Variants in ATAD2B observed in about 807,000 individuals in gnomAD.
ATAD2B encodes ATPase family AAA domain containing 2B.
Under a neutral mutation model 167.6 loss-of-function variants are expected in ATAD2B, and 40 were observed. That is an observed-to-expected ratio of 0.24 (90% CI 0.19 to 0.31). ATAD2B has a LOEUF of 0.31. Ranked by LOEUF, ATAD2B falls within the 10% of genes least tolerant of loss-of-function variation. The pLI is 1.00. For missense variants in ATAD2B, 1,242 were observed against 1,757.2 expected (o/e 0.71, Z 5.24); for synonymous variants, 579 against 596.5 (o/e 0.97, Z 0.43).
chr2:23,691,988 C>A, the ATAD2B span: 1 of 1,051,326 alleles, frequency 9.5e-7, no homozygotes, highest in South Asian at 1.5e-5. Context: ...CCTGAAGCTC[C>A]CTCACATGTG....
intron 1 of ATAD2B, among the ~76,000 whole-genome samples, chr2:23,910,000 C>G (rs921112047): frequency 6.6e-6 from 1 of 151,494 alleles, no homozygotes; most frequent in Non-Finnish European, 1.5e-5. Context: ...GTAGCTGAGA[C>G]TACAGGCACA....
Position 23,875,875 on chromosome 2 carries a change from T to G in ATAD2B, c.931A>C (p.Thr311Pro). 6.2e-7 allele frequency: 1 copy of G among 1,610,352 alleles called. No individual in the cohort carries two copies. The highest frequency in any genetic ancestry group is 8.5e-7 in the Non-Finnish European group (1 of 1,177,994). The change falls in exon 8 of 28, where the codon ACG becomes CCG. Residue 311 changes from threonine to proline, a missense_variant. Transcript: ENST00000238789. ...GGAGATCTATGAATATCAAACAGCGTGTTTTCCCTCTTTTTTTGATGAGCT... is the reference window on the plus strand; with the variant it reads ...GGAGATCTATGAATATCAAACAGCGGGTTTTCCCTCTTTTTTTGATGAGCT... ...VPAHQKKREN[T>P]LFDIHRSPAR...
intron 10 of ATAD2B, chr2:23,866,023 G>A: frequency 1.8e-6 from 1 of 559,728 alleles, no homozygotes; most frequent in Non-Finnish European, 2.3e-6. Context: ...AAAAGTGAAA[G>A]TAAACTATTA....
chr2:23,734,961 T>C, the ATAD2B span, among the ~76,000 whole-genome samples: 1 of 152,226 alleles, frequency 6.6e-6, no homozygotes, highest in Non-Finnish European at 1.5e-5. Flanking sequence ...TCAGTGTCTA[T>C]CATACTTGGC....
intron 10 of ATAD2B, among the ~76,000 whole-genome samples, chr2:23,866,313 G>C (rs1415156194): frequency 1.3e-5 from 2 of 152,188 alleles, no homozygotes; most frequent in Non-Finnish European, 2.9e-5. Context: ...GCTGAGGCAG[G>C]AGAATCGCTT....
chr2:23,840,927 G>A (rs1350306411), intron 13 of ATAD2B, among the ~76,000 whole-genome samples: 2 of 152,016 alleles, frequency 1.3e-5, no homozygotes, highest in Non-Finnish European at 2.9e-5. Context: ...TTACTTTTAA[G>A]ACAGGGTCTC....
the ATAD2B span, among the ~76,000 whole-genome samples, chr2:23,730,886 A>C: frequency 6.6e-6 from 1 of 151,892 alleles, no homozygotes; most frequent in Non-Finnish European, 1.5e-5. Context: ...ATACCAAAAA[A>C]ATCCTAGTTT....
At chr2:23,867,504 A>G (rs548875555) in intron 10 of ATAD2B, among the ~76,000 whole-genome samples, 1 of 152,300 alleles carries the variant, frequency 6.6e-6, no homozygotes, top group African/African-American at 2.4e-5. Flanking sequence ...TTCATTAACT[A>G]TATCATAGCC....
At chr2:23,813,581 A>T (rs574160363) in intron 17 of ATAD2B, among the ~76,000 whole-genome samples, 119 of 108,446 alleles carry the variant, frequency 1.1e-3, no homozygotes, top group African/African-American at 3.1e-3. Context: ...ACAAAAAATT[A>T]AAAAAAAAAA....
At chr2:23,762,889 C>T (rs1013447950) in intron 23 of ATAD2B, among the ~76,000 whole-genome samples, 1 of 152,146 alleles carries the variant, frequency 6.6e-6, no homozygotes, top group Non-Finnish European at 1.5e-5. Context: ...TCTCCAGGTT[C>T]TCTCTGTAAC....
the ATAD2B span, among the ~76,000 whole-genome samples, chr2:23,737,665 C>A: frequency 1.3e-5 from 2 of 152,234 alleles, no homozygotes; most frequent in Non-Finnish European, 2.9e-5. Flanking sequence ...AGGAACGCAG[C>A]TCCTCACTAG....
chr2:23,738,485 A>T, the ATAD2B span, among the ~76,000 whole-genome samples: 1 of 152,224 alleles, frequency 6.6e-6, no homozygotes, highest in Non-Finnish European at 1.5e-5. Flanking sequence ...AACACTTTAC[A>T]GACAAGCAAA....
intron 21 of ATAD2B, 70 bp downstream of exon 21, chr2:23,785,955 CAA>C: frequency 1.5e-6 from 2 of 1,355,676 alleles, no homozygotes; most frequent in Non-Finnish European, 9.9e-7. Context: ...TTTTTCCTTC[CAA>C]AAAAAGATGT....
At chr2:23,810,025 C>A (rs138606541) in intron 18 of ATAD2B, among the ~76,000 whole-genome samples, 1,645 of 152,150 alleles carry the variant, frequency 0.011, 17 homozygotes, top group Middle Eastern at 0.037. Context: ...CAACTTTGAA[C>A]AGAGGGTCAG....
chr2:23,855,281 A>G (rs1404106022), intron 13 of ATAD2B, among the ~76,000 whole-genome samples: 2 of 152,172 alleles, frequency 1.3e-5, no homozygotes, highest in Admixed American at 1.3e-4. Flanking sequence ...AGATTTACAG[A>G]CATTTCACAA....
chr2:23,702,010 A>G, the ATAD2B span, among the ~76,000 whole-genome samples: 2 of 148,362 alleles, frequency 1.3e-5, no homozygotes, highest in African/African-American at 5.0e-5. Flanking sequence ...TTTAGTAGAG[A>G]CGGGGTTTCT....
chr2:23,685,765 G>A, the ATAD2B span, among the ~76,000 whole-genome samples: 2 of 152,188 alleles, frequency 1.3e-5, no homozygotes, highest in Non-Finnish European at 2.9e-5. Flanking sequence ...TGGGGTGAAG[G>A]GACATGTCTA....
At chr2:23,744,473 T>TA (rs1226633190), downstream of ATAD2B, among the ~76,000 whole-genome samples, 1 of 152,216 alleles carries the variant, frequency 6.6e-6, no homozygotes, top group Admixed American at 6.5e-5. Flanking sequence ...TATAGACACA[T>TA]ACAAATGTTT....
At chr2:23,839,044 A>C (rs1690460708) in intron 13 of ATAD2B, among the ~76,000 whole-genome samples, 1 of 152,134 alleles carries the variant, frequency 6.6e-6, no homozygotes, top group South Asian at 2.1e-4. Flanking sequence ...TGCTAATGAG[A>C]TTGCAAACAG....
Sources: gnomAD v4.1 joint callset for allele counts (sites outside exome capture counted in the v4.1 genomes callset) on GRCh38, gnomAD v4.1.1 for gene constraint, MANE v1.5 for transcripts, NCBI Gene and HGNC (gene_info 2026-07-23, HGNC 2026-07-21) for gene names.